Variants in ATM observed in about 807,000 individuals in gnomAD.
ATM encodes the protein ATM serine/threonine kinase, also known as serine-protein kinase ATM.
A neutral mutation model predicts 387.0 loss-of-function variants in ATM; 308 were observed. The ratio of observed to expected loss-of-function variants is 0.80; its 90% CI spans 0.73 to 0.87. The LOEUF (loss-of-function observed/expected upper bound fraction) is 0.87. Among genes scored for constraint, ATM ranks in the 40% least tolerant of loss-of-function variants. The probability of loss-of-function intolerance (pLI) is 0.00; values close to 1 mark genes in which losing one functional copy is unlikely to be tolerated. For missense variants in ATM, 3,312 were observed against 3,560.9 expected, an observed-to-expected ratio of 0.93 and a Z score of 1.78; for synonymous variants, 1,156 against 1,187.3, an observed-to-expected ratio of 0.97 and a Z score of 0.54.
chr11:108,243,192 T>C (rs976374174), intron 5 of ATM, among the ~76,000 whole-genome samples: 3 of 152,044 alleles, frequency 2.0e-5, no homozygotes, highest in Non-Finnish European at 4.4e-5. Flanking sequence ...ACACACCAGT[T>C]TGGGTGACAG....
rs184130231 is a variant in ATM, at chr11:108,363,449, C to G, written c.8851-1633C>G. On this transcript the variant is annotated intron_variant, in intron 61 of 62. Transcript: ENST00000675843. ...TGTGTTATGCTAAGGAAATATATCTCTCCCTCTAACTCAGTGATGCTTAGC... is the reference window on the plus strand; with the variant it reads ...TGTGTTATGCTAAGGAAATATATCTGTCCCTCTAACTCAGTGATGCTTAGC... Among the ~76,000 whole-genome samples, 7 of 152,306 alleles carry G rather than the reference C, an allele frequency of 4.6e-5. No homozygotes were observed. In the East Asian group the frequency reaches 1.3e-3, roughly 29 times the overall value.
chr11:108,279,650 C>G (rs2082128911), intron 23 of ATM, 42 bp downstream of exon 23: 1 of 1,405,982 alleles, frequency 7.1e-7, no homozygotes. Flanking sequence ...CATATGCTTG[C>G]TATGAATATC....
chr11:108,266,404 A>T (rs1266160703), intron 16 of ATM, among the ~76,000 whole-genome samples: 1 of 149,580 alleles, frequency 6.7e-6, no homozygotes, highest in African/African-American at 2.5e-5. Flanking sequence ...CAAACACCGC[A>T]TGTTCTCACT....
At chr11:108,260,050 T>G (rs985026863) in intron 16 of ATM, among the ~76,000 whole-genome samples, 1 of 150,218 alleles carries the variant, frequency 6.7e-6, no homozygotes, top group Non-Finnish European at 1.5e-5. Context: ...TTTTTTTTTT[T>G]TTGAGACAAA....
At position 108,280,980 on chromosome 11, in the gene ATM, T is replaced by TA. The variant is rs3218681; in HGVS notation, c.3403-13dup. On this transcript the variant is annotated splice_polypyrimidine_tract_variant and intron_variant, in intron 23 of 62. Coordinates refer to ENST00000675843, the MANE Select transcript of ATM (RefSeq NM_000051.4). ...TACATTTTACATTACATTTTTTTTTTAATTTCTTTTTAAGTCCCATAGTGC... is the reference window on the plus strand; with the variant it reads ...TACATTTTACATTACATTTTTTTTTTAAATTTCTTTTTAAGTCCCATAGTGC... 0.56 allele frequency: 865,742 copies of TA among 1,555,222 alleles called. 239,756 individuals carry two copies. Among genetic ancestry groups the TA allele is most frequent in the Middle Eastern group, 0.72 (4,192 of 5,824 alleles).
chr11:108,325,104 C>G (rs1388421712), intron 45 of ATM, among the ~76,000 whole-genome samples: 5 of 152,100 alleles, frequency 3.3e-5, no homozygotes, highest in Non-Finnish European at 7.4e-5. Context: ...CTGCTAATAA[C>G]TCTTAAGAGC....
chr11:108,266,730 A>G (rs1286666105), intron 16 of ATM, among the ~76,000 whole-genome samples: 1 of 152,108 alleles, frequency 6.6e-6, no homozygotes, highest in Non-Finnish European at 1.5e-5. Flanking sequence ...GACATTTAGT[A>G]GAAAAAGTAC....
intron 1 of ATM, chr11:108,224,215 A>G (rs566722962): frequency 6.6e-6 from 1 of 152,324 alleles, no homozygotes; most frequent in South Asian, 2.1e-4. Context: ...TCTAGATTAT[A>G]CAGTTTGTAA....
rs1335862267 is a variant in ATM, at chr11:108,332,904, T to C, written c.7927+4T>C. The C allele has an allele frequency of 6.2e-7, 1 of 1,611,208 alleles. No individual in the cohort carries two copies. The highest frequency in any genetic ancestry group is 2.2e-5 in the East Asian group (1 of 44,790). On this transcript the variant is annotated splice_donor_region_variant and intron_variant, in intron 53 of 62. Transcript: ENST00000675843. The stretch of plus-strand genomic sequence containing the variant: ...ACTCAGTGGAAGACTCAGAGAAGTA[T>C]GTTTTTTTTAAAGAAGAAACGTTAC...
At chr11:108,287,738 G>T in intron 27 of ATM, 23 bp downstream of exon 27, 1 of 1,518,354 alleles carries the variant, frequency 6.6e-7, no homozygotes. Context: ...TAAACTTAGA[G>T]AACTAGCTCT....
At position 108,272,408 on chromosome 11, in the gene ATM, T is replaced by A; in HGVS notation, c.3078-124T>A. ...GGTGAGTATGTTGGCATATTCCACA[T>A]AATGACAAATAAGTTTAGCACAGAA... On this transcript the variant is annotated intron_variant, in intron 20 of 62. Coordinates refer to ENST00000675843, the MANE Select transcript of ATM (RefSeq NM_000051.4). The A allele has an allele frequency of 4.8e-6, 4 of 826,304 alleles. No homozygotes were observed. The South Asian group carries it at 6.1e-5, about 13-fold the overall frequency. 51.2% of individuals were successfully genotyped at this position (826,304 alleles called of 1,614,324 possible). A position where few individuals can be genotyped will look rare whatever the true frequency, so the allele number is the denominator to read the frequency against.
rs1263247290 is a variant in ATM at position 108,335,969 on chromosome 11, T to G, written c.8268+8T>G. 6.3e-7 allele frequency: 1 copy of G among 1,591,126 alleles called. No individual in the cohort carries two copies. Among genetic ancestry groups the G allele is most frequent in the African/African-American group, 1.3e-5 (1 of 74,400 alleles). On this transcript the variant is annotated splice_region_variant and intron_variant, in intron 56 of 62. Transcript: ENST00000675843. ...ACTATCTGTACTTATAAGGTAACTA[T>G]TTGTACTTCTGTTAGTTCACCAAAA...
intron 43 of ATM, 94 bp downstream of exon 43, chr11:108,317,615 T>TTATATATATATATATATATATATA (rs376158749): frequency 4.7e-6 from 1 of 211,242 alleles, no homozygotes; most frequent in African/African-American, 4.6e-5. Flanking sequence ...AGGAGTTGTT[T>TTATATATATATATATATATATATA]TATATATATA....
At chr11:108,279,987 G>T (rs984906040) in intron 23 of ATM, among the ~76,000 whole-genome samples, 1 of 152,172 alleles carries the variant, frequency 6.6e-6, no homozygotes, top group African/African-American at 2.4e-5. Context: ...TCAAATCATT[G>T]TGGTGTTTAC....
chr11:108,264,218 T>G (rs1162136612), intron 16 of ATM, among the ~76,000 whole-genome samples: 1 of 152,004 alleles, frequency 6.6e-6, no homozygotes, highest in African/African-American at 2.4e-5. Flanking sequence ...TGAACATTGA[T>G]GCAAAAATCC....
chr11:108,325,893 C>T (rs970973616), intron 46 of ATM, among the ~76,000 whole-genome samples, 165 bp from the exon 47 acceptor site: 9 of 151,982 alleles, frequency 5.9e-5, no homozygotes, highest in African/African-American at 2.2e-4. Context: ...GATAGGCAGA[C>T]GTGGGGTGGG....
chr11:108,304,975 T>A (rs1045041925), intron 37 of ATM, 123 bp downstream of exon 37: 2 of 1,207,240 alleles, frequency 1.7e-6, no homozygotes, highest in Admixed American at 2.1e-5. Flanking sequence ...ATTTGTTTCT[T>A]CATCTATGGA....
intron 32 of ATM, 79 bp downstream of exon 32, chr11:108,295,138 T>G: frequency 6.4e-7 from 1 of 1,559,608 alleles, no homozygotes; most frequent in Non-Finnish European, 8.8e-7. Flanking sequence ...GCTCTTGGTT[T>G]CATTGTCACA....
Position 108,246,927 on chromosome 11 carries a change from A to C in ATM, c.902-37A>C, listed in dbSNP as rs1270406556. ...GGAGCTAGCAGTGTAAACAGAGTAC[A>C]TACATAAAAATTACATTTTAATTTT... On this transcript the variant is annotated intron_variant, in intron 7 of 62. Coordinates refer to ENST00000675843, the MANE Select transcript of ATM (RefSeq NM_000051.4). The C allele has an allele frequency of 2.0e-6, 3 of 1,530,290 alleles. No homozygotes were observed. In the African/African-American group the frequency reaches 4.1e-5, roughly 21 times the overall value. The allele number at this position is 1,530,290 out of a possible 1,614,324, so 94.8% of individuals were successfully genotyped here.
Sources: allele counts gnomAD v4.1 joint callset (sites outside exome capture counted in the v4.1 genomes callset), GRCh38; gene constraint gnomAD v4.1.1; transcripts MANE v1.5; gene names NCBI Gene and HGNC (gene_info 2026-07-23, HGNC 2026-07-21).